Variants in CANX observed in about 807,000 individuals in gnomAD.
CANX encodes the protein calnexin.
A neutral mutation model predicts 75.7 loss-of-function variants in CANX; 14 were observed. The ratio of observed to expected loss-of-function variants is 0.19; its 90% CI spans 0.12 to 0.29. The LOEUF is 0.29. CANX is among the 10% of genes least tolerant of loss of function. CANX has a pLI of 1.00. For missense variants in CANX, 567 were observed against 713.2 expected, an observed-to-expected ratio of 0.79 and a Z score of 2.34; for synonymous variants, 227 against 236.9, an observed-to-expected ratio of 0.96 and a Z score of 0.38.
At chr5:179,704,679 T>C (rs921715789) in intron 1 of CANX, among the ~76,000 whole-genome samples, 1 of 151,288 alleles carries the variant, frequency 6.6e-6, no homozygotes, top group African/African-American at 2.4e-5. Context: ...ATACTAAAAG[T>C]ACAAAAATTA....
rs1237039154 is a variant in CANX, at chr5:179,720,641, A to G, written c.1182+81A>G. ...AAGTTTTATCTAGAGTAAGGCTGCC[A>G]GGTTGGTCATTATATTCAAGCTGTT... On this transcript the variant is annotated intron_variant, in intron 10 of 14. Coordinates refer to ENST00000247461, the MANE Select transcript of CANX (RefSeq NM_001746.4). 5 of 1,265,520 alleles carry G rather than the reference A, an allele frequency of 4.0e-6. No individual in the cohort carries two copies. In the African/African-American group the frequency reaches 5.9e-5, roughly 15 times the overall value. The allele number at this position is 1,265,520 out of a possible 1,614,324, so 78.4% of individuals were successfully genotyped here. A position where few individuals can be genotyped will look rare whatever the true frequency, so the allele number is the denominator to read the frequency against.
At chr5:179,698,802 T>G (rs973514562), upstream of CANX, 1 of 678,668 alleles carries the variant, frequency 1.5e-6, no homozygotes, top group Non-Finnish European at 2.2e-6. Flanking sequence ...CCACGAAGAA[T>G]AGCCGTAGGG....
At position 179,730,274 on chromosome 5, in the gene CANX, T is replaced by A. The variant is rs1246526803; in HGVS notation, c.*1630T>A. On this transcript the variant is annotated 3_prime_UTR_variant, in exon 15 of 15. Coordinates refer to ENST00000247461, the MANE Select transcript of CANX (RefSeq NM_001746.4). ...ATTTGTAAAAGATGAAGGCTGTATC[T>A]ATTTTTTTTTCTTTTTAAAGTTTGT... 7.0e-6 allele frequency: 1 copy of A among 142,500 alleles called. No homozygotes were observed. Among genetic ancestry groups the A allele is most frequent in the East Asian group, 2.0e-4 (1 of 5,112 alleles). The allele number at this position is 142,500 out of a possible 1,614,324, so 8.8% of individuals were successfully genotyped here. A position where few individuals can be genotyped will look rare whatever the true frequency, so the allele number is the denominator to read the frequency against.
At chr5:179,696,607 C>A (rs561113905), upstream of CANX, among the ~76,000 whole-genome samples, 28 of 152,172 alleles carry the variant, frequency 1.8e-4, no homozygotes, top group Admixed American at 1.8e-3. Flanking sequence ...GAGTTTCAGG[C>A]CCCCTCTCCA....
At chr5:179,684,926 A>ATTTTTTTTTTTTTTTTTTTTTTT (rs71001039) in intron 1 of CANX, among the ~76,000 whole-genome samples, 6 of 49,148 alleles carry the variant, frequency 1.2e-4, no homozygotes, top group Non-Finnish European at 2.1e-4. Context: ...CTAATTTTGT[A>ATTTTTTTTTTTTTTTTTTTTTTT]TTTTTTTTTT....
At chr5:179,726,601 T>C (rs1231989576) in intron 13 of CANX, 79 bp from the exon 14 acceptor site, 7 of 883,736 alleles carry the variant, frequency 7.9e-6, no homozygotes, top group South Asian at 1.6e-5. Flanking sequence ...AAATTGTAGA[T>C]CTAGAGATGT....
At position 179,699,108 on chromosome 5, in the gene CANX, A is replaced by C; in HGVS notation, c.-4+6A>C. ...CGGTCCCCGGGAGGCTAGAGGTGAG[A>C]GGGGAGACCTGAGCGCGTCCTCGGG... On this transcript the variant is annotated splice_donor_region_variant and intron_variant, in intron 1 of 14. Coordinates refer to ENST00000247461, the MANE Select transcript of CANX (RefSeq NM_001746.4). 1 of 1,047,380 alleles carries C rather than the reference A, an allele frequency of 9.5e-7. No individual in the cohort carries two copies. Among genetic ancestry groups the C allele is most frequent in the South Asian group, 2.6e-5 (1 of 38,880 alleles). 64.9% of individuals were successfully genotyped at this position (1,047,380 alleles called of 1,614,324 possible). A position where few individuals can be genotyped will look rare whatever the true frequency, so the allele number is the denominator to read the frequency against.
At chr5:179,727,386 A>G (rs952422685) in intron 14 of CANX, among the ~76,000 whole-genome samples, 1 of 152,258 alleles carries the variant, frequency 6.6e-6, no homozygotes, top group African/African-American at 2.4e-5. Context: ...TCACCATGTT[A>G]AAACCTTACT....
intron 1 of CANX, among the ~76,000 whole-genome samples, chr5:179,680,434 A>T (rs1004824560): frequency 6.6e-6 from 1 of 152,078 alleles, no homozygotes; most frequent in Non-Finnish European, 1.5e-5. Flanking sequence ...GGGGACCTGA[A>T]ACAGCCTCTG....
intron 1 of CANX, 25 bp from the exon 2 acceptor site, chr5:179,705,647 TACATTTA>T: frequency 6.4e-7 from 1 of 1,558,752 alleles, no homozygotes; most frequent in East Asian, 2.3e-5. Context: ...TAGGTGGCAA[TACATTTA>T]ACTGATTTTG....
intron 1 of CANX, among the ~76,000 whole-genome samples, chr5:179,684,969 G>GTTTTTTTTTTTT (rs1554141327): frequency 1.0e-5 from 1 of 95,640 alleles, no homozygotes; most frequent in African/African-American, 4.1e-5. Context: ...TAGAGACAGG[G>GTTTTTTTTTTTT]TTTTCACCAT....
In CANX at chr5:179,708,281, G is replaced by T; in HGVS notation, c.347G>T (p.Gly116Val). ...GAAATGAAGGAGTCAAAGCTTCCAGGTGATAAAGGACTTGTGTTGATGTCT... is the reference window on the plus strand; with the variant it reads ...GAAATGAAGGAGTCAAAGCTTCCAGTTGATAAAGGACTTGTGTTGATGTCT... ...VEEMKESKLPGDKGLVLMSRA... is the reference protein window; with the variant it reads ...VEEMKESKLPVDKGLVLMSRA... Residue 116 changes from glycine (G) to valine (V), a missense_variant, in exon 5 of 15, where the codon GGT becomes GTT. By Grantham distance (109) the Gly-to-Val change is moderately radical. Coordinates refer to ENST00000247461, the MANE Select transcript of CANX (RefSeq NM_001746.4). 1 of 1,613,658 alleles carries T rather than the reference G, an allele frequency of 6.2e-7. No individual in the cohort carries two copies. The highest frequency in any genetic ancestry group is 2.2e-5 in the East Asian group (1 of 44,884).
rs1778960145 is a variant in CANX, at chr5:179,731,024, G to A, written c.*2380G>A. The stretch of plus-strand genomic sequence containing the variant: ...TCGTATAATTGGCCACTATGTGAGA[G>A]TTCACTACTAGGCAGAAACTATTAT... On this transcript the variant is annotated 3_prime_UTR_variant, in exon 15 of 15. Coordinates refer to ENST00000247461, the MANE Select transcript of CANX (RefSeq NM_001746.4). 6.6e-6 allele frequency: 1 copy of A among 152,188 alleles called. No homozygotes were observed. The highest frequency in any genetic ancestry group is 1.5e-5 in the Non-Finnish European group (1 of 68,034). The allele number at this position is 152,188 out of a possible 1,614,324, so 9.4% of individuals were successfully genotyped here.
upstream of CANX, chr5:179,698,952 G>A (rs1302927827): frequency 2.7e-6 from 3 of 1,117,044 alleles, no homozygotes; most frequent in Non-Finnish European, 3.3e-6. Context: ...GTGCGGTGGG[G>A]CTCGCTCGCG....
At chr5:179,678,823 C>T in intron 1 of CANX, 1 of 1,537,036 alleles carries the variant, frequency 6.5e-7, no homozygotes. Flanking sequence ...ACCGCTGCAC[C>T]TGCGCCTTCC....
At chr5:179,728,259 A>C (rs548875452) in intron 14 of CANX, among the ~76,000 whole-genome samples, 9 of 152,346 alleles carry the variant, frequency 5.9e-5, no homozygotes, top group African/African-American at 2.2e-4. Context: ...TTATCCTCAG[A>C]ATGGGGCTAG....
At chr5:179,707,401 A>G (rs549706870) in intron 4 of CANX, among the ~76,000 whole-genome samples, 1 of 152,154 alleles carries the variant, frequency 6.6e-6, no homozygotes, top group Admixed American at 6.6e-5. Flanking sequence ...TGGCTAACAC[A>G]GTGAAACCCC....
chr5:179,705,693 G>C lies in CANX; in HGVS notation c.12G>C (p.Lys4Asn), dbSNP rs1174029586. 3 of 1,552,560 alleles carry C rather than the reference G, an allele frequency of 1.9e-6. No individual in the cohort carries two copies. In the East Asian group the frequency reaches 7.0e-5, roughly 36 times the overall value. Residue 4 changes from lysine to asparagine, a missense_variant, in exon 2 of 15, where the codon AAG becomes AAC. Lys to Asn is a moderately conservative substitution (Grantham distance 94). Transcript: ENST00000247461. ...TTTATGTGTAGATCATGGAAGGGAA[G>C]TGGTTGCTGTGTATGTTACTGGTGC... MEG[K>N]WLLCMLLVLG...
chr5:179,729,071 A>C lies in CANX; in HGVS notation c.*427A>C, dbSNP rs1054444207. 8.4e-6 allele frequency: 2 copies of C among 237,336 alleles called. No homozygotes were observed. Among genetic ancestry groups the C allele is most frequent in the African/African-American group, 4.7e-5 (2 of 42,194 alleles). The allele number at this position is 237,336 out of a possible 1,614,324, so 14.7% of individuals were successfully genotyped here. On this transcript the variant is annotated 3_prime_UTR_variant, in exon 15 of 15. Transcript: ENST00000247461. Reference sequence around the variant, plus strand: ...CAGTTTTTATAATAGATTTTTTTTAAAGTTTGGTATTGTAAAACATTCACA... The same window carrying C: ...CAGTTTTTATAATAGATTTTTTTTACAGTTTGGTATTGTAAAACATTCACA...
Sources: allele counts gnomAD v4.1 joint callset (sites outside exome capture counted in the v4.1 genomes callset), GRCh38; gene constraint gnomAD v4.1.1; transcripts MANE v1.5; gene names NCBI Gene and HGNC (gene_info 2026-07-23, HGNC 2026-07-21).